The following PXDN variants were observed in gnomAD, a reference collection of about 807,000 sequenced individuals.
PXDN encodes the protein peroxidasin homolog.
Under a neutral mutation model 140.3 loss-of-function variants are expected in PXDN, and 77 were observed. That is an observed-to-expected ratio of 0.55 (90% CI 0.46 to 0.66). The LOEUF (loss-of-function observed/expected upper bound fraction) is 0.66, where lower values mean the gene tolerates loss of function less well. Among genes scored for constraint, PXDN ranks in the 30% least tolerant of loss-of-function variants. The pLI, the probability that PXDN is intolerant of heterozygous loss-of-function variation, is 0.00. For synonymous variants in PXDN, 911 were observed against 857.4 expected (o/e 1.06, Z -1.09); for missense variants, 1,838 against 2,039.5 (o/e 0.90, Z 1.90).
chr2:1,674,561 C>T (rs1352604500), intron 8 of PXDN, among the ~76,000 whole-genome samples: 1 of 152,160 alleles, frequency 6.6e-6, no homozygotes, highest in African/African-American at 2.4e-5. Flanking sequence ...TTCGGGCAGC[C>T]AAGAAAAGCT....
At position 1,665,039 on chromosome 2, in the gene PXDN, C is replaced by T. The variant is rs568845319; in HGVS notation, c.1327G>A (p.Val443Ile). 3.0e-5 allele frequency: 49 copies of T among 1,611,824 alleles called. 1 individual carries two copies. The South Asian group carries it at 5.1e-4, about 17-fold the overall frequency. ...TCCACGGTCTGGCCCTCAATAACGA[C>T]TCTGTCCTGAGGCGTCACAGTGAAC... ...PQFTVTPQDR[V>I]VIEGQTVDFQ... The change falls in exon 11 of 23, where the codon GTC (valine) becomes ATC (isoleucine). Residue 443 changes from valine (V) to isoleucine (I), a missense_variant. By Grantham distance (29) the Val-to-Ile change is conservative. Coordinates refer to ENST00000252804, the MANE Select transcript of PXDN (RefSeq NM_012293.3).
At chr2:1,734,280 T>C (rs928214308) in intron 1 of PXDN, among the ~76,000 whole-genome samples, 1 of 152,204 alleles carries the variant, frequency 6.6e-6, no homozygotes, top group Non-Finnish European at 1.5e-5. Context: ...TAGCATTACA[T>C]CTAAAAAATA....
intron 14 of PXDN, among the ~76,000 whole-genome samples, chr2:1,655,778 C>T (rs1390791179): frequency 6.7e-6 from 1 of 148,174 alleles, no homozygotes; most frequent in African/African-American, 2.5e-5. Context: ...GCCACCTACA[C>T]AGCACATTAA....
intron 1 of PXDN, among the ~76,000 whole-genome samples, chr2:1,712,740 T>C (rs927950295): frequency 2.6e-5 from 4 of 152,228 alleles, no homozygotes; most frequent in African/African-American, 9.6e-5. Context: ...TCTTTTTTTT[T>C]GGAGACGGAG....
Position 1,666,283 on chromosome 2 carries a change from C to T in PXDN, c.1222G>A (p.Gly408Arg), listed in dbSNP as rs761286747. 24 of 1,613,940 alleles carry T rather than the reference C, an allele frequency of 1.5e-5. No homozygotes were observed. The highest frequency in any genetic ancestry group is 2.2e-5 in the East Asian group (1 of 44,890). The stretch of plus-strand genomic sequence containing the variant: ...TTGGTCGCAGAGCACGCATACTCTC[C>T]GCTGTCCCCCTGTACGACGTTCTGT... ...YIQNVVQGDS[G>R]EYACSATNNI... The change falls in exon 10 of 23, where the codon GGA (glycine) becomes AGA (arginine). Residue 408 changes from glycine to arginine, a missense_variant. By Grantham distance (125) the Gly-to-Arg change is moderately radical (BLOSUM62 -2). Around this residue, in one of 5 missense-constraint regions of PXDN, gnomAD observed 537 missense variants for 583.9 expected, o/e 0.92. Transcript: ENST00000252804.
At chr2:1,663,274 G>T in intron 12 of PXDN, among the ~76,000 whole-genome samples, 1 of 152,042 alleles carries the variant, frequency 6.6e-6, no homozygotes. Flanking sequence ...CCCCAGAAAG[G>T]GCAGTTAGAA....
At position 1,648,223 on chromosome 2, in the gene PXDN, T is replaced by G. The variant is rs1254435782; in HGVS notation, c.3557A>C (p.Glu1186Ala). Residue 1186 changes from glutamate (E) to alanine (A), a missense_variant, in exon 17 of 23, where the codon GAG becomes GCG. This residue lies in a region of PXDN where 850 missense variants were observed against 894.1 expected (regional missense o/e 0.95). Transcript: ENST00000252804. This position sits in a 1 kb window ranked among gnomAD's most constrained non-coding sequence, Gnocchi z 8.9. ...YCNLSAAHTF[E>A]DLKNEIKNPE... is the part of the protein sequence containing the mutation. ...GTTTTTAATCTCATTTTTCAGGTCC[T>G]CGAACGTGTGTGCCGCCGATAGATT... 4 of 1,613,768 alleles carry G rather than the reference T, an allele frequency of 2.5e-6. No individual in the cohort carries two copies. In the African/African-American group the frequency reaches 5.3e-5, roughly 22 times the overall value.
chr2:1,662,296 A>G (rs2125424243), intron 12 of PXDN, 112 bp from the exon 13 acceptor site: 1 of 921,558 alleles, frequency 1.1e-6, no homozygotes, highest in Non-Finnish European at 1.7e-6. Flanking sequence ...CTGGGAGCTC[A>G]CAGTCAGTTT....
Position 1,661,036 on chromosome 2 carries a change from T to G in PXDN, c.1682A>C (p.Asp561Ala). 1 of 1,613,754 alleles carries G rather than the reference T, an allele frequency of 6.2e-7. No individual in the cohort carries two copies. Among genetic ancestry groups the G allele is most frequent in the South Asian group, 1.1e-5 (1 of 91,062 alleles). ...EPEPAITWNKDGVQVTESGKF... is the reference protein window; with the variant it reads ...EPEPAITWNKAGVQVTESGKF... ...TCCACTTTCTGTCACCTGAACCCCA[T>G]CCTGGAGCAAAACAGAATGAAAACA... Residue 561 changes from aspartate (D) to alanine (A), a missense_variant and splice_region_variant, in exon 14 of 23, where the codon GAT (aspartate) becomes GCT (alanine). This residue lies in a region of PXDN where 537 missense variants were observed against 583.9 expected (regional missense o/e 0.92). Coordinates refer to ENST00000252804, the MANE Select transcript of PXDN (RefSeq NM_012293.3).
chr2:1,719,668 A>G (rs1398390972), intron 1 of PXDN, among the ~76,000 whole-genome samples: 1 of 152,148 alleles, frequency 6.6e-6, no homozygotes, highest in African/African-American at 2.4e-5. Context: ...GCTAAGCCTG[A>G]CCATCAGTGA....
intron 1 of PXDN, among the ~76,000 whole-genome samples, chr2:1,700,896 T>C (rs917254285): frequency 6.6e-6 from 1 of 151,948 alleles, no homozygotes; most frequent in Admixed American, 6.6e-5. Context: ...AAAATCAATA[T>C]AACCCAAAGG....
At chr2:1,669,121 T>TA (rs1169733196) in intron 9 of PXDN, among the ~76,000 whole-genome samples, 1 of 152,024 alleles carries the variant, frequency 6.6e-6, no homozygotes, top group Non-Finnish European at 1.5e-5. Flanking sequence ...TATGCAGCCA[T>TA]AAAAAAGAAT....
At chr2:1,679,891 A>T in intron 7 of PXDN, among the ~76,000 whole-genome samples, 3 of 111,012 alleles carry the variant, frequency 2.7e-5, no homozygotes, top group African/African-American at 7.5e-5. Flanking sequence ...TGTGTCTATA[A>T]ATGGTGTGTG....
intron 1 of PXDN, among the ~76,000 whole-genome samples, chr2:1,718,821 CA>C (rs1217206351): frequency 5.9e-5 from 9 of 152,244 alleles, no homozygotes; most frequent in African/African-American, 2.2e-4. Context: ...CTGCCACAGC[CA>C]AACAGGCTGA....
Position 1,649,056 on chromosome 2 carries a change from G to A in PXDN, c.2724C>T (p.Ser908=), listed in dbSNP as rs761031979. The A allele has an allele frequency of 3.7e-6, 6 of 1,612,518 alleles. No individual in the cohort carries two copies. The highest frequency in any genetic ancestry group is 3.4e-6 in the Non-Finnish European group (4 of 1,179,724). ...CGTACACGTTGGATGCGTCTATGTAGGAGGTGAGCTGGTTGATCTGCTCCC... is the reference window on the plus strand; with the variant it reads ...CGTACACGTTGGATGCGTCTATGTAAGAGGTGAGCTGGTTGATCTGCTCCC... ...YPREQINQLT[S]YIDASNVYGS... The change falls in exon 17 of 23, where the codon TCC becomes TCT. Residue 908 remains serine, a synonymous_variant. Transcript: ENST00000252804. The surrounding 1 kb of genome is among the most constrained non-coding windows in gnomAD (Gnocchi z 7.1).
At chr2:1,675,900 C>T (rs1683694222) in intron 8 of PXDN, among the ~76,000 whole-genome samples, 2 of 151,988 alleles carry the variant, frequency 1.3e-5, no homozygotes, top group East Asian at 1.9e-4. Flanking sequence ...CAGAGAGGAG[C>T]AGCGCAGGAG....
intron 7 of PXDN, among the ~76,000 whole-genome samples, chr2:1,677,766 C>A (rs1683760666): frequency 6.6e-6 from 1 of 152,236 alleles, no homozygotes; most frequent in Admixed American, 6.5e-5. Context: ...GGGAACCACA[C>A]CAAGGGCAGG....
intron 1 of PXDN, among the ~76,000 whole-genome samples, chr2:1,705,163 G>C (rs552802204): frequency 1.3e-5 from 2 of 151,852 alleles, no homozygotes; most frequent in African/African-American, 4.8e-5. Flanking sequence ...GGGCCTCCCC[G>C]GAGCCGTGAG....
intron 8 of PXDN, 65 bp downstream of exon 8, chr2:1,676,862 G>C: frequency 1.4e-6 from 2 of 1,454,320 alleles, no homozygotes; most frequent in Non-Finnish European, 1.9e-6. Context: ...AGTGAGGTGT[G>C]GTTTGGGTGT....
Sources: allele counts gnomAD v4.1 joint callset (sites outside exome capture counted in the v4.1 genomes callset), GRCh38; gene constraint gnomAD v4.1.1; regional missense constraint gnomAD v4.1.1; non-coding constraint Gnocchi (gnomAD v3.1); transcripts MANE v1.5; gene names NCBI Gene and HGNC (gene_info 2026-07-23, HGNC 2026-07-21).